Variants in PGPEP1L observed in about 807,000 individuals in gnomAD.
PGPEP1L encodes pyroglutamyl-peptidase 1-like protein.
Under a neutral mutation model 6.0 loss-of-function variants are expected in PGPEP1L, and 7 were observed. The observed-to-expected ratio is 1.17, with a 90% CI of 0.66 to 2.19. PGPEP1L has a LOEUF of 2.19. Among genes scored for constraint, PGPEP1L ranks in the 30% most tolerant of loss-of-function variants. The pLI, the probability that PGPEP1L is intolerant of heterozygous loss-of-function variation, is 0.00. For missense variants in PGPEP1L, 209 were observed against 192.5 expected (o/e 1.09, Z -0.51); for synonymous variants, 103 against 83.9 (o/e 1.23, Z -1.24).
intron 4 of PGPEP1L, 118 bp from the exon 5 acceptor site, chr15:98,968,815 G>T: frequency 1.1e-6 from 1 of 898,562 alleles, no homozygotes; most frequent in Non-Finnish European, 1.7e-6. Flanking sequence ...TGCCACCCAA[G>T]GGAGACTTGT....
chr15:98,983,508 AC>A (rs1288796661), intron 2 of PGPEP1L, among the ~76,000 whole-genome samples: 1 of 151,960 alleles, frequency 6.6e-6, no homozygotes, highest in Non-Finnish European at 1.5e-5. Context: ...GTTTTCAAAA[AC>A]CCTTGTTTTA....
At chr15:99,003,371 G>T (rs1208739614) in intron 2 of PGPEP1L, among the ~76,000 whole-genome samples, 1 of 151,318 alleles carries the variant, frequency 6.6e-6, no homozygotes, top group Non-Finnish European at 1.5e-5. Context: ...CTCTGCAAGT[G>T]AAGGTTTGAA....
chr15:99,000,680 C>G (rs1237447209), intron 2 of PGPEP1L, among the ~76,000 whole-genome samples: 1 of 152,122 alleles, frequency 6.6e-6, no homozygotes, highest in African/African-American at 2.4e-5. Context: ...TCTAACTAAT[C>G]TAGTGGGGAA....
At position 98,969,414 on chromosome 15, in the gene PGPEP1L, A is replaced by G. The variant is rs761875788; in HGVS notation, c.209+11T>C. 2 of 1,613,850 alleles carry G rather than the reference A, an allele frequency of 1.2e-6. No individual in the cohort carries two copies. Among genetic ancestry groups the G allele is most frequent in the African/African-American group, 2.7e-5 (2 of 75,046 alleles). ...CTACCTGCTCAGAGTCCTGACACCC[A>G]CAGAGCATACCTGCCTGCATCTCGG... On this transcript the variant is annotated intron_variant, in intron 4 of 4. Transcript: ENST00000535714.
intron 2 of PGPEP1L, among the ~76,000 whole-genome samples, chr15:98,980,574 C>G (rs1306726572): frequency 6.6e-6 from 1 of 152,150 alleles, no homozygotes; most frequent in East Asian, 1.9e-4. Context: ...CTCCCCCACT[C>G]GAGTGTGGGC....
chr15:98,984,156 G>A (rs147265840), intron 2 of PGPEP1L, among the ~76,000 whole-genome samples: 23 of 151,802 alleles, frequency 1.5e-4, no homozygotes, highest in Non-Finnish European at 2.9e-4. Flanking sequence ...GACTACAGGC[G>A]CCCACCACCA....
At chr15:98,996,378 A>ACC (rs1257720043) in intron 2 of PGPEP1L, among the ~76,000 whole-genome samples, 2 of 151,672 alleles carry the variant, frequency 1.3e-5, no homozygotes, top group Non-Finnish European at 1.5e-5. Context: ...TTTCATCTCC[A>ACC]CCCCCCTTGC....
intron 2 of PGPEP1L, among the ~76,000 whole-genome samples, chr15:98,982,376 G>A (rs182007243): frequency 5.3e-5 from 8 of 152,284 alleles, no homozygotes; most frequent in Admixed American, 3.9e-4. Context: ...GTGTCATTTC[G>A]AAGTGAGAAT....
chr15:98,976,111 G>A (rs190979622), intron 2 of PGPEP1L, among the ~76,000 whole-genome samples: 168 of 152,254 alleles, frequency 1.1e-3, no homozygotes, highest in African/African-American at 3.8e-3. Context: ...GAGTGTTAGT[G>A]TGGGACAATG....
intron 2 of PGPEP1L, among the ~76,000 whole-genome samples, chr15:98,993,715 C>CT (rs2017849554): frequency 1.3e-5 from 2 of 151,704 alleles, no homozygotes; most frequent in African/African-American, 4.8e-5. Context: ...GGAGAAATAC[C>CT]TAATATAGAT....
intron 2 of PGPEP1L, among the ~76,000 whole-genome samples, chr15:98,976,614 G>T (rs2017573439): frequency 6.6e-6 from 1 of 152,134 alleles, no homozygotes; most frequent in South Asian, 2.1e-4. Context: ...CAAAAACCCA[G>T]ATCAAAACAT....
At chr15:98,970,639 G>C (rs747490218) in intron 3 of PGPEP1L, among the ~76,000 whole-genome samples, 3 of 152,072 alleles carry the variant, frequency 2.0e-5, no homozygotes, top group Non-Finnish European at 2.9e-5. Flanking sequence ...GCCTCCCCTA[G>C]GCTGGCCACC....
At position 98,971,083 on chromosome 15, in the gene PGPEP1L, C is replaced by T. The variant is rs1256975395; in HGVS notation, c.-66G>A. On this transcript the variant is annotated 5_prime_UTR_variant, in exon 3 of 5. Coordinates refer to ENST00000535714, the MANE Select transcript of PGPEP1L (RefSeq NM_001167902.2). ...ATTCCGGTGACCCTCCGCTTAGCCT[C>T]CCTGTAATCTACAGGCAGCTCCAGA... The T allele has an allele frequency of 6.2e-7, 1 of 1,613,730 alleles. No homozygotes were observed. Among genetic ancestry groups the T allele is most frequent in the East Asian group, 2.2e-5 (1 of 44,872 alleles).
intron 2 of PGPEP1L, among the ~76,000 whole-genome samples, chr15:98,991,668 C>T (rs1555472100): frequency 6.6e-6 from 1 of 152,116 alleles, no homozygotes; most frequent in Non-Finnish European, 1.5e-5. Flanking sequence ...GAATTTCAGG[C>T]CAATATCCCT....
At chr15:98,993,448 C>A (rs2017844685) in intron 2 of PGPEP1L, among the ~76,000 whole-genome samples, 1 of 152,168 alleles carries the variant, frequency 6.6e-6, no homozygotes, top group African/African-American at 2.4e-5. Flanking sequence ...CAGGAAACAA[C>A]AGATGCTGGA....
chr15:98,986,399 G>C (rs1382176453), intron 2 of PGPEP1L, among the ~76,000 whole-genome samples: 4 of 152,138 alleles, frequency 2.6e-5, no homozygotes, highest in African/African-American at 9.7e-5. Flanking sequence ...GTCTACATAA[G>C]GAATCTCCAA....
At chr15:98,972,355 AAAATAAAT>A (rs34372599) in intron 2 of PGPEP1L, among the ~76,000 whole-genome samples, 381 of 144,830 alleles carry the variant, frequency 2.6e-3, no homozygotes, top group South Asian at 7.7e-3. Flanking sequence ...CTCCGTCTCA[AAAATAAAT>A]AAATAAATAA....
chr15:98,970,079 G>A (rs1326871557), intron 3 of PGPEP1L, among the ~76,000 whole-genome samples: 1 of 152,016 alleles, frequency 6.6e-6, no homozygotes, highest in Non-Finnish European at 1.5e-5. Context: ...GACAGAGTCT[G>A]GCTGTATCAC....
At chr15:98,980,250 T>C (rs1261245109) in intron 2 of PGPEP1L, among the ~76,000 whole-genome samples, 2 of 151,968 alleles carry the variant, frequency 1.3e-5, no homozygotes, top group Non-Finnish European at 2.9e-5. Flanking sequence ...CACACAGCCA[T>C]AAAAACAAAG....
Sources: allele counts gnomAD v4.1 joint callset (sites outside exome capture counted in the v4.1 genomes callset), GRCh38; gene constraint gnomAD v4.1.1; transcripts MANE v1.5; gene names NCBI Gene and HGNC (gene_info 2026-07-23, HGNC 2026-07-21).